MAGI1: variants seen among roughly 807,000 people sequenced by gnomAD.
The protein encoded by MAGI1 is membrane associated guanylate kinase, WW and PDZ domain containing 1.
MAGI1 carries 58 observed loss-of-function variants against 139.9 expected under a neutral mutation model. The observed-to-expected ratio is 0.41, with a 90% confidence interval of 0.34 to 0.52. The LOEUF (loss-of-function observed/expected upper bound fraction) is 0.52, where lower values mean the gene tolerates loss of function less well. MAGI1 is among the 20% of genes least tolerant of loss of function. The probability of loss-of-function intolerance (pLI) is 0.12; values close to 1 mark genes in which losing one functional copy is unlikely to be tolerated. For synonymous variants in MAGI1, 812 were observed against 737.9 expected, an observed-to-expected ratio of 1.10 and a Z score of -1.63; for missense variants, 1,874 against 1,901.6, an observed-to-expected ratio of 0.99 and a Z score of 0.27.
Position 65,646,270 on chromosome 3 carries a change from G to A in MAGI1, c.314-24182C>T, listed in dbSNP as rs190042988. 3.8e-3 allele frequency among the ~76,000 whole-genome samples: 580 copies of A among 151,832 alleles called. 7 individuals are homozygous for A. The highest frequency in any genetic ancestry group is 0.013 in the African/African-American group (557 of 41,462). On this transcript the variant is annotated intron_variant, in intron 1 of 22. Transcript: ENST00000402939. The stretch of plus-strand genomic sequence containing the variant: ...GCTATGTTAATATCAGACAATGTGG[G>A]CTTTACAGCAAAGAAACTTAACATA...
Position 65,745,482 on chromosome 3 carries a change from G to A in MAGI1, c.314-123394C>T, listed in dbSNP as rs17073635. Among the ~76,000 whole-genome samples, 1,318 of 152,214 alleles carry A rather than the reference G, an allele frequency of 8.7e-3. 19 individuals are homozygous for A. The highest frequency in any genetic ancestry group is 0.029 in the African/African-American group (1,185 of 41,530). ...ACTTACAATTGGAAGCCCTAACTTC[G>A]CAGGCAAGCATATTTTGCATGAATT... On this transcript the variant is annotated intron_variant, in intron 1 of 22. Coordinates refer to ENST00000402939, the MANE Select transcript of MAGI1 (RefSeq NM_001033057.2).
At chr3:65,882,920 G>C (rs2060389011) in intron 1 of MAGI1, among the ~76,000 whole-genome samples, 1 of 135,348 alleles carries the variant, frequency 7.4e-6, no homozygotes, top group Non-Finnish European at 1.5e-5. Context: ...GGGCAACAGA[G>C]CAAGACCCTG....
At chr3:65,593,363 C>A (rs552673970) in intron 2 of MAGI1, among the ~76,000 whole-genome samples, 1 of 151,988 alleles carries the variant, frequency 6.6e-6, no homozygotes, top group Non-Finnish European at 1.5e-5. Flanking sequence ...ATACCCAGTG[C>A]AATAATTCAG....
chr3:65,737,036 C>T (rs779812810), intron 1 of MAGI1, among the ~76,000 whole-genome samples: 6 of 151,760 alleles, frequency 4.0e-5, no homozygotes, highest in Middle Eastern at 3.4e-3. Context: ...GACGGAGTCT[C>T]GCTCTGTCCC....
At chr3:65,508,260 C>T (rs1037662889) in intron 2 of MAGI1, among the ~76,000 whole-genome samples, 14 of 152,066 alleles carry the variant, frequency 9.2e-5, no homozygotes, top group South Asian at 2.1e-4. Flanking sequence ...AAAAGTTAGC[C>T]GGGCGTGGCA....
At chr3:65,421,222 T>C (rs544428498) in intron 12 of MAGI1, among the ~76,000 whole-genome samples, 1 of 152,256 alleles carries the variant, frequency 6.6e-6, no homozygotes, top group African/African-American at 2.4e-5. Context: ...TGGCAATAAA[T>C]CAAAATAGCA....
At chr3:65,804,043 C>G (rs1464788569) in intron 1 of MAGI1, among the ~76,000 whole-genome samples, 1 of 152,074 alleles carries the variant, frequency 6.6e-6, no homozygotes, top group Non-Finnish European at 1.5e-5. Flanking sequence ...CCCTAAATTC[C>G]ACTCTGCATC....
At chr3:65,976,194 A>G (rs984367972) in intron 1 of MAGI1, among the ~76,000 whole-genome samples, 2 of 152,314 alleles carry the variant, frequency 1.3e-5, no homozygotes, top group Admixed American at 1.3e-4. Context: ...ATAAGATGAT[A>G]TTGTAAAAGT....
At position 65,371,613 on chromosome 3, in the gene MAGI1, A is replaced by G. The variant is rs150267924; in HGVS notation, c.3196+4132T>C. On this transcript the variant is annotated intron_variant, in intron 18 of 22. Transcript: ENST00000402939. ...TTCCTTCAATGAAAGATTTCTCTGC[A>G]GCATGTTGCTGTTTGATAGCATTTT... is the stretch of plus-strand genomic sequence containing the variant. Among the ~76,000 whole-genome samples, 81 of 152,312 alleles carry G rather than the reference A, an allele frequency of 5.3e-4. No individual in the cohort carries two copies. In the East Asian group the frequency reaches 0.013, roughly 24 times the overall value.
intron 1 of MAGI1, among the ~76,000 whole-genome samples, chr3:65,701,398 A>T (rs1467763477): frequency 6.6e-6 from 1 of 152,124 alleles, no homozygotes; most frequent in Non-Finnish European, 1.5e-5. Flanking sequence ...GATTACAAGC[A>T]TGCACCACCA....
chr3:65,622,778 G>T (rs2107072420), intron 1 of MAGI1, among the ~76,000 whole-genome samples: 1 of 152,168 alleles, frequency 6.6e-6, no homozygotes, highest in East Asian at 1.9e-4. Flanking sequence ...TGTAGAACAG[G>T]CTGGTCTCAA....
intron 2 of MAGI1, chr3:65,619,854 T>C: frequency 1.0e-6 from 1 of 985,042 alleles, no homozygotes; most frequent in East Asian, 1.1e-4. Flanking sequence ...TTGTTACCTG[T>C]TTTCTCTTTT....
At chr3:65,410,564 T>C (rs980673125) in intron 12 of MAGI1, among the ~76,000 whole-genome samples, 4 of 152,240 alleles carry the variant, frequency 2.6e-5, no homozygotes, top group African/African-American at 9.6e-5. Flanking sequence ...AGAAAATTTT[T>C]AATATAGCTT....
At chr3:65,725,560 C>T (rs934640154) in intron 1 of MAGI1, among the ~76,000 whole-genome samples, 1 of 152,120 alleles carries the variant, frequency 6.6e-6, no homozygotes, top group Non-Finnish European at 1.5e-5. Flanking sequence ...AACTTGGTCA[C>T]TGAGAAACTA....
At chr3:65,464,617 A>G (rs1325437153) in intron 5 of MAGI1, among the ~76,000 whole-genome samples, 1 of 152,160 alleles carries the variant, frequency 6.6e-6, no homozygotes, top group East Asian at 1.9e-4. Context: ...TTTACAAGAT[A>G]TATTTTTCCA....
chr3:66,032,562 AAG>A (rs766336126), intron 1 of MAGI1, among the ~76,000 whole-genome samples: 2 of 151,858 alleles, frequency 1.3e-5, no homozygotes, highest in East Asian at 1.9e-4. Flanking sequence ...AGCAGTGAAC[AAG>A]AGAGACAAGC....
At chr3:65,748,965 T>C (rs2035919976) in intron 1 of MAGI1, among the ~76,000 whole-genome samples, 2 of 152,050 alleles carry the variant, frequency 1.3e-5, no homozygotes, top group Admixed American at 1.3e-4. Flanking sequence ...GGGGTGGCAA[T>C]GGTGATCCAG....
intron 1 of MAGI1, among the ~76,000 whole-genome samples, chr3:65,679,699 G>C (rs1214596315): frequency 6.6e-6 from 1 of 152,204 alleles, no homozygotes; most frequent in South Asian, 2.1e-4. Flanking sequence ...TGTGACTCAA[G>C]GCCCACGACT....
At chr3:65,549,554 G>T (rs1379337754) in intron 2 of MAGI1, 2 of 867,630 alleles carry the variant, frequency 2.3e-6, no homozygotes, top group African/African-American at 1.8e-5. Flanking sequence ...AGTAGGCTCG[G>T]CCAGGGTGTC....
Sources: gnomAD v4.1 joint callset for allele counts (sites outside exome capture counted in the v4.1 genomes callset) on GRCh38, gnomAD v4.1.1 for gene constraint, MANE v1.5 for transcripts, NCBI Gene and HGNC (gene_info 2026-07-23, HGNC 2026-07-21) for gene names.